The following TNC variants were observed in gnomAD, a reference collection of about 807,000 sequenced individuals.
The protein encoded by TNC is tenascin.
A neutral mutation model predicts 202.4 loss-of-function variants in TNC; 109 were observed. The ratio of observed to expected loss-of-function variants is 0.54; its 90% CI spans 0.46 to 0.63. The LOEUF is 0.63. TNC is among the 30% of genes least tolerant of loss of function. TNC has a pLI of 0.00. For synonymous variants in TNC, 1,007 were observed against 1,089.7 expected (o/e 0.92, Z 1.50); for missense variants, 2,756 against 2,833.3 (o/e 0.97, Z 0.62).
At chr9:115,101,870 G>T (rs1250025) in intron 1 of TNC, among the ~76,000 whole-genome samples, 148,439 of 152,232 alleles carry the variant, frequency 0.98, 72,494 homozygotes, top group East Asian at 1. Flanking sequence ...TCACCAAATA[G>T]TGGTTGAAAA....
chr9:115,087,403 C>A (rs1029002969), intron 2 of TNC, 130 bp from the exon 3 acceptor site: 13 of 872,426 alleles, frequency 1.5e-5, no homozygotes, highest in Non-Finnish European at 2.1e-5. Context: ...GGCTTGAGAA[C>A]CATTTGTTGT....
At chr9:115,107,160 TA>T (rs1836681315) in intron 1 of TNC, among the ~76,000 whole-genome samples, 1 of 152,118 alleles carries the variant, frequency 6.6e-6, no homozygotes, top group South Asian at 2.1e-4. Flanking sequence ...AAAGTAAGTA[TA>T]AAAATTTAGT....
chr9:115,109,522 C>T (rs976311752), intron 1 of TNC, among the ~76,000 whole-genome samples: 4 of 152,168 alleles, frequency 2.6e-5, no homozygotes, highest in Non-Finnish European at 5.9e-5. Flanking sequence ...AGATAGAGAG[C>T]TCTTTGTCTC....
chr9:115,115,223 C>A (rs2134500180), intron 1 of TNC: 1 of 152,334 alleles, frequency 6.6e-6, no homozygotes, highest in African/African-American at 2.4e-5. Flanking sequence ...AAATTCCATT[C>A]TGGTTATATG....
rs765700070 is a variant in TNC at position 115,086,258 on chromosome 9, G to A, written c.1473C>T (p.Tyr491=). 1 of 1,614,178 alleles carries A rather than the reference G, an allele frequency of 6.2e-7. No individual in the cohort carries two copies. The highest frequency in any genetic ancestry group is 1.1e-5 in the South Asian group (1 of 91,080). ...GGCGATCCCGGCAGTCTTCCCCTGT[G>A]TAGCCGTCATCACAAACACACATGC... ...VNGMCVCDDG[Y]TGEDCRDRQC... Residue 491 remains tyrosine, a synonymous_variant, in exon 3 of 28, where the codon TAC becomes TAT. Coordinates refer to ENST00000350763, the MANE Select transcript of TNC (RefSeq NM_002160.4).
chr9:115,032,301 A>G (rs1017520032), intron 22 of TNC, among the ~76,000 whole-genome samples: 10 of 152,194 alleles, frequency 6.6e-5, no homozygotes, highest in African/African-American at 2.4e-4. Context: ...AAGCTTTGAA[A>G]CTTAAAGTTT....
At chr9:115,095,381 T>C (rs1040728827) in intron 1 of TNC, among the ~76,000 whole-genome samples, 10 of 150,714 alleles carry the variant, frequency 6.6e-5, no homozygotes, top group Non-Finnish European at 1.2e-4. Flanking sequence ...AGACAAGAGT[T>C]CTACAGCAAA....
chr9:115,042,243 T>C lies in TNC; in HGVS notation c.5224A>G (p.Ile1742Val), dbSNP rs1184728487. ...APTAQVESFR[I>V]TYVPITGGTP... ...CCTCCTGTAATGGGCACATAGGTAA[T>C]CCGGAAGCTCTCCACTTGGGCTGTG... Residue 1742 changes from isoleucine (I) to valine (V), a missense_variant, in exon 18 of 28, where the codon ATT becomes GTT. By Grantham distance (29) the Ile-to-Val change is conservative. Coordinates refer to ENST00000350763, the MANE Select transcript of TNC (RefSeq NM_002160.4). 6.2e-7 allele frequency: 1 copy of C among 1,614,088 alleles called. No individual in the cohort carries two copies. Among genetic ancestry groups the C allele is most frequent in the East Asian group, 2.2e-5 (1 of 44,880 alleles).
intron 1 of TNC, among the ~76,000 whole-genome samples, chr9:115,116,343 TC>T (rs1431880802): frequency 6.6e-6 from 1 of 152,148 alleles, no homozygotes; most frequent in South Asian, 2.1e-4. Flanking sequence ...ACCTTTTTCT[TC>T]CCCACAAAGC....
At position 115,057,324 on chromosome 9, in the gene TNC, T is replaced by C. The variant is rs760217704; in HGVS notation, c.4408A>G (p.Ile1470Val). ...ATDGIFETFT[I>V]EIIDSNRLLE... ...AACCTATTGGAATCAATAATTTCAA[T>C]GGTAAAGGTCTCGAAGATCCCATCG... The change falls in exon 15 of 28, where the codon ATT becomes GTT. Residue 1470 changes from isoleucine to valine, a missense_variant. Ile to Val is a conservative substitution (Grantham distance 29, BLOSUM62 3). Transcript: ENST00000350763. The C allele has an allele frequency of 6.2e-6, 10 of 1,614,216 alleles. No individual in the cohort carries two copies. In the Admixed American group the frequency reaches 1.7e-4, roughly 27 times the overall value.
intron 10 of TNC, among the ~76,000 whole-genome samples, chr9:115,066,084 A>T (rs1319059090): frequency 6.6e-6 from 1 of 152,136 alleles, no homozygotes; most frequent in African/African-American, 2.4e-5. Flanking sequence ...GAGCTAAGGA[A>T]GGTGATAAGG....
intron 15 of TNC, among the ~76,000 whole-genome samples, chr9:115,056,284 T>G (rs1388195962): frequency 2.0e-5 from 3 of 152,200 alleles, no homozygotes. Flanking sequence ...AGTTTGTGAT[T>G]TCTTCATTTA....
intron 1 of TNC, among the ~76,000 whole-genome samples, chr9:115,115,334 A>G (rs1046828469): frequency 1.6e-4 from 25 of 152,216 alleles, no homozygotes; most frequent in African/African-American, 6.0e-4. Flanking sequence ...CAAGAAGCAG[A>G]GAAGCATTCA....
intron 25 of TNC, among the ~76,000 whole-genome samples, chr9:115,027,265 A>T (rs1346968983): frequency 6.6e-6 from 1 of 152,010 alleles, no homozygotes; most frequent in African/African-American, 2.4e-5. Context: ...ATCCAAGGAG[A>T]TAAGGTGGTG....
intron 7 of TNC, among the ~76,000 whole-genome samples, chr9:115,077,408 G>C (rs1214330097): frequency 6.6e-6 from 1 of 151,678 alleles, no homozygotes; most frequent in African/African-American, 2.4e-5. Flanking sequence ...GGCCAGGATG[G>C]TCTCCATCTC....
At chr9:115,021,831 T>C (rs1049747734) in intron 27 of TNC, among the ~76,000 whole-genome samples, 1 of 152,134 alleles carries the variant, frequency 6.6e-6, no homozygotes, top group Admixed American at 6.6e-5. Context: ...TGAGCCTCGG[T>C]TTTACTATTT....
chr9:115,099,101 T>C (rs1836019221), intron 1 of TNC, among the ~76,000 whole-genome samples: 2 of 152,136 alleles, frequency 1.3e-5, no homozygotes, highest in African/African-American at 4.8e-5. Flanking sequence ...TGGTTGTCCA[T>C]TTAGGCAGCA....
chr9:115,076,329 C>A, intron 8 of TNC, 61 bp downstream of exon 8: 1 of 1,578,126 alleles, frequency 6.3e-7, no homozygotes. Flanking sequence ...GGAGCAGGTG[C>A]CCATCCTTTA....
At chr9:115,100,876 A>G (rs1012620198) in intron 1 of TNC, among the ~76,000 whole-genome samples, 1 of 152,190 alleles carries the variant, frequency 6.6e-6, no homozygotes, top group East Asian at 1.9e-4. Context: ...TAATTTGTCA[A>G]TTATACCTCA....
Sources: gnomAD v4.1 joint callset for allele counts (sites outside exome capture counted in the v4.1 genomes callset) on GRCh38, gnomAD v4.1.1 for gene constraint, MANE v1.5 for transcripts, NCBI Gene and HGNC (gene_info 2026-07-23, HGNC 2026-07-21) for gene names.